HMCN1: variants seen among roughly 807,000 people sequenced by gnomAD.
The protein encoded by HMCN1 is hemicentin-1.
Under a neutral mutation model 625.9 loss-of-function variants are expected in HMCN1, and 321 were observed. The observed-to-expected ratio is 0.51, with a 90% CI of 0.47 to 0.56. The LOEUF (loss-of-function observed/expected upper bound fraction) is 0.56. Ranked by LOEUF, HMCN1 falls within the 20% of genes least tolerant of loss-of-function variation. The pLI is 0.00. For missense variants in HMCN1, 6,588 were observed against 6,887.3 expected (o/e 0.96, Z 1.54); for synonymous variants, 2,425 against 2,417.6 (o/e 1.00, Z -0.09).
chr1:186,039,364 A>G (rs545803610), intron 38 of HMCN1, among the ~76,000 whole-genome samples: 1 of 152,284 alleles, frequency 6.6e-6, no homozygotes, highest in Non-Finnish European at 1.5e-5. Flanking sequence ...GGTAGTTAAC[A>G]TACTACAGTG....
intron 1 of HMCN1, among the ~76,000 whole-genome samples, chr1:185,752,154 A>T (rs1398692353): frequency 6.6e-6 from 1 of 152,128 alleles, no homozygotes; most frequent in Non-Finnish European, 1.5e-5. Flanking sequence ...TACAGCTAGT[A>T]TAACCTCTAT....
intron 86 of HMCN1, among the ~76,000 whole-genome samples, chr1:186,133,276 T>A (rs1223704949): frequency 6.6e-6 from 1 of 152,232 alleles, no homozygotes; most frequent in Non-Finnish European, 1.5e-5. Context: ...TATTCCAACA[T>A]GCTTAAAAAG....
At chr1:185,817,879 T>A (rs56881574) in intron 1 of HMCN1, among the ~76,000 whole-genome samples, 6,283 of 152,170 alleles carry the variant, frequency 0.041, 431 homozygotes, top group African/African-American at 0.14. Flanking sequence ...TAGAAGGCAA[T>A]TTAGTCAGGC....
At chr1:186,062,427 T>C in intron 47 of HMCN1, 87 bp from the exon 48 acceptor site, 1 of 792,524 alleles carries the variant, frequency 1.3e-6, no homozygotes, top group Non-Finnish European at 2.2e-6. Context: ...TTGAAGGTTA[T>C]AGCTTAATAA....
intron 1 of HMCN1, among the ~76,000 whole-genome samples, chr1:185,769,027 A>T (rs1656055134): frequency 6.6e-6 from 1 of 152,212 alleles, no homozygotes; most frequent in Non-Finnish European, 1.5e-5. Flanking sequence ...AGTTGTATGA[A>T]TTAATAGAAT....
At chr1:185,875,625 T>C (rs1035919039) in intron 4 of HMCN1, among the ~76,000 whole-genome samples, 1 of 152,066 alleles carries the variant, frequency 6.6e-6, no homozygotes, top group Non-Finnish European at 1.5e-5. Context: ...TTTTGCTTTT[T>C]TGAAATCCTC....
chr1:186,172,114 A>C lies in HMCN1; in HGVS notation c.15797A>C (p.Glu5266Ala), dbSNP rs376043236. 1.2e-6 allele frequency: 2 copies of C among 1,613,746 alleles called. No homozygotes were observed. Among genetic ancestry groups the C allele is most frequent in the Non-Finnish European group, 1.7e-6 (2 of 1,179,742 alleles). Residue 5266 changes from glutamate (E) to alanine (A), a missense_variant, in exon 102 of 107, where the codon GAA becomes GCA. Glu to Ala is a moderately radical substitution (Grantham distance 107, BLOSUM62 -1). Transcript: ENST00000271588. ...DLCPNGMTKA[E>A]NGTCIDIDEC... ...TGTCCAAATGGAATGACCAAGGCAG[A>C]AAATGGAACCTGTATTGGTGAGTGT...
intron 1 of HMCN1, among the ~76,000 whole-genome samples, chr1:185,773,031 G>C (rs1375866976): frequency 6.6e-6 from 1 of 152,140 alleles, no homozygotes; most frequent in African/African-American, 2.4e-5. Flanking sequence ...ATTGGGGATT[G>C]TTTCCAGCAC....
chr1:185,852,098 G>T (rs1209547460), intron 2 of HMCN1, among the ~76,000 whole-genome samples: 2 of 151,970 alleles, frequency 1.3e-5, no homozygotes, highest in African/African-American at 2.4e-5. Flanking sequence ...GCAGGTTAAG[G>T]TTAGGGGAAA....
intron 100 of HMCN1, 92 bp from the exon 101 acceptor site, chr1:186,171,245 T>C (rs1652213057): frequency 2.2e-6 from 2 of 908,952 alleles, no homozygotes; most frequent in Non-Finnish European, 3.6e-6. Flanking sequence ...ATCTTAAACA[T>C]GGTAATGATC....
At chr1:186,137,732 A>G (rs1400032290) in intron 88 of HMCN1, 64 bp downstream of exon 88, 4 of 1,613,704 alleles carry the variant, frequency 2.5e-6, no homozygotes, top group Non-Finnish European at 2.5e-6. Flanking sequence ...TCTTCTACCT[A>G]TGGATTGCCC....
At chr1:186,129,862 C>A in intron 83 of HMCN1, 104 bp from the exon 84 acceptor site, 1 of 1,366,600 alleles carries the variant, frequency 7.3e-7, no homozygotes, top group Non-Finnish European at 1.0e-6. Flanking sequence ...CTCTTTGGTT[C>A]AATTGCTGAC....
intron 86 of HMCN1, 46 bp from the exon 87 acceptor site, chr1:186,136,622 G>A: frequency 6.3e-7 from 1 of 1,581,768 alleles, no homozygotes. Context: ...AAAAAAAAAT[G>A]CTGTAACTCC....
intron 25 of HMCN1, among the ~76,000 whole-genome samples, chr1:185,998,372 C>A (rs1339701633): frequency 6.6e-6 from 1 of 152,142 alleles, no homozygotes; most frequent in African/African-American, 2.4e-5. Context: ...GCTTTTCAAT[C>A]TCAGCAGCAG....
intron 1 of HMCN1, among the ~76,000 whole-genome samples, chr1:185,826,664 G>A (rs539193896): frequency 6.6e-6 from 1 of 152,274 alleles, no homozygotes; most frequent in African/African-American, 2.4e-5. Context: ...TGAGCAAACA[G>A]CCAGTCTTCA....
chr1:186,103,572 T>C lies in HMCN1; in HGVS notation c.10674T>C (p.Pro3558=), dbSNP rs1421153268. 5 of 1,613,764 alleles carry C rather than the reference T, an allele frequency of 3.1e-6. No individual in the cohort carries two copies. Among genetic ancestry groups the C allele is most frequent in the Middle Eastern group, 1.6e-4 (1 of 6,084 alleles). The change falls in exon 69 of 107, where the codon CCT becomes CCC. Residue 3558 remains proline, a synonymous_variant. Coordinates refer to ENST00000271588, the MANE Select transcript of HMCN1 (RefSeq NM_031935.3). ...GCATTGCTTCTGGAATCCCAGCCCC[T>C]AAAATGACCTGGATGAAAGATGGCC... The part of the protein sequence containing the change: ...LTCIASGIPA[P]KMTWMKDGRP...
At chr1:186,013,296 A>G (rs1654121142) in intron 30 of HMCN1, among the ~76,000 whole-genome samples, 1 of 152,326 alleles carries the variant, frequency 6.6e-6, no homozygotes, top group Non-Finnish European at 1.5e-5. Context: ...GATTTTTGTC[A>G]ACAATTAAGA....
At chr1:185,944,359 A>G (rs1018188889) in intron 11 of HMCN1, among the ~76,000 whole-genome samples, 1 of 152,182 alleles carries the variant, frequency 6.6e-6, no homozygotes, top group Non-Finnish European at 1.5e-5. Flanking sequence ...CACTCAGGTG[A>G]TGGGTGCACT....
intron 36 of HMCN1, 97 bp downstream of exon 36, chr1:186,023,250 G>C: frequency 9.1e-7 from 1 of 1,098,234 alleles, no homozygotes; most frequent in Non-Finnish European, 1.4e-6. Flanking sequence ...AAAAGAAACA[G>C]GTGTTTATTT....
Sources: gnomAD v4.1 joint callset for allele counts (sites outside exome capture counted in the v4.1 genomes callset) on GRCh38, gnomAD v4.1.1 for gene constraint, MANE v1.5 for transcripts, NCBI Gene and HGNC (gene_info 2026-07-23, HGNC 2026-07-21) for gene names.